The following SYNE1 variants were observed in gnomAD, a reference collection of about 807,000 sequenced individuals.
SYNE1 encodes the protein spectrin repeat containing nuclear envelope protein 1.
In SYNE1, 616 loss-of-function variants were observed where a neutral mutation model predicts 1,111.0. The ratio of observed to expected loss-of-function variants is 0.55; its 90% CI spans 0.52 to 0.59. The LOEUF is 0.59. Ranked by LOEUF, SYNE1 falls within the 20% of genes least tolerant of loss-of-function variation. The pLI is 0.00. For missense variants in SYNE1, 10,006 were observed against 10,417.0 expected, an observed-to-expected ratio of 0.96 and a Z score of 1.72; for synonymous variants, 3,855 against 3,825.8, an observed-to-expected ratio of 1.01 and a Z score of -0.28.
chr6:152,177,888 A>AT (rs1044456643), intron 129 of SYNE1, among the ~76,000 whole-genome samples: 7 of 151,968 alleles, frequency 4.6e-5, no homozygotes, highest in Admixed American at 2.0e-4. Flanking sequence ...CTTGGCTTCA[A>AT]TTTTTTTTAT....
chr6:152,520,110 T>G (rs1319687034), intron 6 of SYNE1, among the ~76,000 whole-genome samples: 1 of 151,980 alleles, frequency 6.6e-6, no homozygotes. Context: ...GATACTAGAG[T>G]GGGTCCTGGA....
intron 77 of SYNE1, among the ~76,000 whole-genome samples, chr6:152,332,237 G>A (rs1195219767): frequency 6.6e-6 from 1 of 152,216 alleles, no homozygotes; most frequent in East Asian, 1.9e-4. Flanking sequence ...GCCTCCCAAA[G>A]TGCTAGGATT....
chr6:152,284,542 T>G (rs1366567650), intron 95 of SYNE1, among the ~76,000 whole-genome samples: 1 of 151,878 alleles, frequency 6.6e-6, no homozygotes, highest in Non-Finnish European at 1.5e-5. Context: ...CACTGTAATC[T>G]TGAACTCCTG....
chr6:152,248,829 TGC>T (rs2088232783), intron 105 of SYNE1, among the ~76,000 whole-genome samples: 1 of 152,188 alleles, frequency 6.6e-6, no homozygotes, highest in Non-Finnish European at 1.5e-5. Flanking sequence ...GTACCCATAA[TGC>T]TTTGTCAGTA....
chr6:152,453,726 A>G lies in SYNE1; in HGVS notation c.2893-6T>C, dbSNP rs886042945. The G allele has an allele frequency of 6.2e-7, 1 of 1,614,172 alleles. No homozygotes were observed. The highest frequency in any genetic ancestry group is 8.5e-7 in the Non-Finnish European group (1 of 1,180,018). Reference sequence around the variant, plus strand: ...TCCAGCTGACTGAAAAACTCCTGACATGGAAGGGGAAAGTGGGTAAGAGTG... The same window carrying G: ...TCCAGCTGACTGAAAAACTCCTGACGTGGAAGGGGAAAGTGGGTAAGAGTG... On this transcript the variant is annotated splice_polypyrimidine_tract_variant and splice_region_variant and intron_variant, in intron 24 of 145. Coordinates refer to ENST00000367255, the MANE Select transcript of SYNE1 (RefSeq NM_182961.4).
chr6:152,175,615 T>C (rs924013721), intron 130 of SYNE1, among the ~76,000 whole-genome samples: 1 of 152,242 alleles, frequency 6.6e-6, no homozygotes, highest in Non-Finnish European at 1.5e-5. Flanking sequence ...GTGCTTGTGA[T>C]ATGTAGTGAA....
At chr6:152,582,396 T>G (rs1035121020) in intron 3 of SYNE1, among the ~76,000 whole-genome samples, 4 of 152,050 alleles carry the variant, frequency 2.6e-5, no homozygotes, top group African/African-American at 7.2e-5. Flanking sequence ...ACTCACCCCC[T>G]AAAAGTATTC....
intron 91 of SYNE1, chr6:152,302,316 A>T (rs2095220319): frequency 1.8e-6 from 1 of 568,864 alleles, no homozygotes. Flanking sequence ...AAATGAGGGG[A>T]TGAGGCCGAA....
chr6:152,580,124 C>G (rs1034760210), intron 3 of SYNE1, among the ~76,000 whole-genome samples: 5 of 152,188 alleles, frequency 3.3e-5, no homozygotes, highest in Non-Finnish European at 5.9e-5. Context: ...GATTTACATT[C>G]CCACCAGCAA....
At position 152,230,587 on chromosome 6, in the gene SYNE1, C is replaced by A; in HGVS notation, c.21155G>T (p.Gly7052Val). ...TGCATTTTGAACAGAAGCCTGATCT[C>A]CAATTCGATGCTGTTGTTTTAGTCT... ...EKRLKQQHRI[G>V]DQASVQNALK... The change falls in exon 115 of 146, where the codon GGA becomes GTA. Residue 7052 changes from glycine to valine, a missense_variant. This residue lies in a region of SYNE1 where 2,182 missense variants were observed against 2,287.8 expected (regional missense o/e 0.95). Coordinates refer to ENST00000367255, the MANE Select transcript of SYNE1 (RefSeq NM_182961.4). 1.2e-6 allele frequency: 2 copies of A among 1,614,116 alleles called. No individual in the cohort carries two copies. The highest frequency in any genetic ancestry group is 3.3e-4 in the Middle Eastern group (2 of 6,062).
intron 7 of SYNE1, 83 bp from the exon 8 acceptor site, chr6:152,510,454 A>C (rs2099079505): frequency 1.3e-6 from 2 of 1,483,634 alleles, no homozygotes; most frequent in Admixed American, 3.9e-5. Context: ...TCCAGCAACA[A>C]ATGAGTTATG....
intron 105 of SYNE1, among the ~76,000 whole-genome samples, chr6:152,248,329 A>C (rs1045902640): frequency 1.3e-5 from 2 of 152,172 alleles, no homozygotes; most frequent in Non-Finnish European, 2.9e-5. Context: ...TTAATTTTCA[A>C]TTTTGGTTGT....
chr6:152,543,197 C>G (rs549896557), intron 3 of SYNE1, among the ~76,000 whole-genome samples: 2 of 151,954 alleles, frequency 1.3e-5, no homozygotes, highest in Admixed American at 6.6e-5. Flanking sequence ...CTCAAATTAT[C>G]TTTTTTGTAG....
chr6:152,503,347 C>A (rs1039730025), intron 9 of SYNE1, among the ~76,000 whole-genome samples: 3 of 152,142 alleles, frequency 2.0e-5, no homozygotes, highest in Non-Finnish European at 4.4e-5. Context: ...AGCAATCAAG[C>A]ACTCTTCGAG....
At chr6:152,167,885 A>G (rs1432004033) in intron 130 of SYNE1, 1 of 732,404 alleles carries the variant, frequency 1.4e-6, no homozygotes, top group Admixed American at 1.7e-5. Flanking sequence ...GAGTCATAAT[A>G]AAGTCCATTA....
intron 51 of SYNE1, 112 bp from the exon 52 acceptor site, chr6:152,391,680 T>C (rs534649520): frequency 8.0e-7 from 1 of 1,249,820 alleles, no homozygotes; most frequent in South Asian, 1.5e-5. Flanking sequence ...CACAGGCTCA[T>C]AGCTGACATG....
chr6:152,253,469 G>A (rs951860410), intron 104 of SYNE1, among the ~76,000 whole-genome samples: 1 of 152,132 alleles, frequency 6.6e-6, no homozygotes, highest in African/African-American at 2.4e-5. Flanking sequence ...AGTTTGATTT[G>A]ACAGTTGAGG....
At chr6:152,601,355 C>A (rs941123251) in intron 3 of SYNE1, among the ~76,000 whole-genome samples, 1 of 152,140 alleles carries the variant, frequency 6.6e-6, no homozygotes, top group Non-Finnish European at 1.5e-5. Flanking sequence ...TTGAGGTTCA[C>A]CTAATCCATG....
chr6:152,450,985 A>G, intron 26 of SYNE1, 62 bp downstream of exon 26: 2 of 1,611,326 alleles, frequency 1.2e-6, no homozygotes, highest in Non-Finnish European at 1.7e-6. Flanking sequence ...AATATTAGTA[A>G]TATCCTTTAT....
Sources: allele counts gnomAD v4.1 joint callset (sites outside exome capture counted in the v4.1 genomes callset), GRCh38; gene constraint gnomAD v4.1.1; regional missense constraint gnomAD v4.1.1; transcripts MANE v1.5; gene names NCBI Gene and HGNC (gene_info 2026-07-23, HGNC 2026-07-21).